The following ASIC4 variants were observed in gnomAD, a reference collection of about 807,000 sequenced individuals.
ASIC4 encodes acid-sensing ion channel 4.
Under a neutral mutation model 53.4 loss-of-function variants are expected in ASIC4, and 28 were observed. The observed-to-expected ratio is 0.52, with a 90% CI of 0.39 to 0.72. The LOEUF (loss-of-function observed/expected upper bound fraction) is 0.72, where lower values mean the gene tolerates loss of function less well. Ranked by LOEUF, ASIC4 falls within the 30% of genes least tolerant of loss-of-function variation. The pLI, the probability that ASIC4 is intolerant of heterozygous loss-of-function variation, is 0.00. For missense variants in ASIC4, 649 were observed against 729.7 expected (o/e 0.89, Z 1.27); for synonymous variants, 289 against 301.4 (o/e 0.96, Z 0.43).
In ASIC4 at chr2:219,537,965, T is replaced by TG. The variant is rs757378587; in HGVS notation, c.1546dup (p.Val516GlyfsTer20). On this transcript the variant is annotated frameshift_variant, in exon 10 of 10. Coordinates refer to ENST00000358078, the MANE Select transcript of ASIC4 (RefSeq NM_018674.6). LOFTEE classifies it high-confidence loss of function. This position sits in a 1 kb window ranked among gnomAD's most constrained non-coding sequence, Gnocchi z 4.9. ...GCCCGAGCCGGGGCCGAGTGGAGGGTGGGGGGGTCAGCAGTCTGCTCCCCA... is the reference window on the plus strand; with the variant it reads ...GCCCGAGCCGGGGCCGAGTGGAGGGTGGGGGGGGTCAGCAGTCTGCTCCCCA... The TG allele has an allele frequency of 1.3e-5, 21 of 1,608,918 alleles. No individual in the cohort carries two copies. The highest frequency in any genetic ancestry group is 2.2e-5 in the South Asian group (2 of 90,406).
chr2:219,514,719 G>A lies in ASIC4; in HGVS notation c.-6G>A, dbSNP rs766362577. The A allele has an allele frequency of 6.2e-7, 1 of 1,613,680 alleles. No homozygotes were observed. Among genetic ancestry groups the A allele is most frequent in the Non-Finnish European group, 8.5e-7 (1 of 1,180,014 alleles). The stretch of plus-strand genomic sequence containing the variant: ...GGCTCTGGCCAGTCCCAGCAGCCGG[G>A]GACAGATGCCGATCGAGATTGTGTG... On this transcript the variant is annotated 5_prime_UTR_variant, in exon 1 of 10. Transcript: ENST00000358078.
In ASIC4 at chr2:219,514,720, G is replaced by A. The variant is rs753832928; in HGVS notation, c.-5G>A. On this transcript the variant is annotated 5_prime_UTR_variant, in exon 1 of 10. Coordinates refer to ENST00000358078, the MANE Select transcript of ASIC4 (RefSeq NM_018674.6). ...GCTCTGGCCAGTCCCAGCAGCCGGGGACAGATGCCGATCGAGATTGTGTGC... is the reference window on the plus strand; with the variant it reads ...GCTCTGGCCAGTCCCAGCAGCCGGGAACAGATGCCGATCGAGATTGTGTGC... 4 of 1,613,546 alleles carry A rather than the reference G, an allele frequency of 2.5e-6. No homozygotes were observed. Among genetic ancestry groups the A allele is most frequent in the African/African-American group, 1.3e-5 (1 of 74,938 alleles).
Position 219,536,071 on chromosome 2 carries a change from C to A in ASIC4, c.1229+747C>A, listed in dbSNP as rs114818469. ...TACAGGTGTGAGCCACCTTGCCTGGCCACAGCCCTTCTCTTCTAAGTAGCC... is the reference window on the plus strand; with the variant it reads ...TACAGGTGTGAGCCACCTTGCCTGGACACAGCCCTTCTCTTCTAAGTAGCC... On this transcript the variant is annotated intron_variant, in intron 6 of 9. Coordinates refer to ENST00000358078, the MANE Select transcript of ASIC4 (RefSeq NM_018674.6). This position sits in a 1 kb window ranked among gnomAD's most constrained non-coding sequence, Gnocchi z 4.6. 9.1e-3 allele frequency among the ~76,000 whole-genome samples: 1,380 copies of A among 152,276 alleles called. 24 individuals are homozygous for A. Among genetic ancestry groups the A allele is most frequent in the African/African-American group, 0.032 (1,323 of 41,552 alleles).
chr2:219,515,632 C>A lies in ASIC4; in HGVS notation c.582+326C>A, dbSNP rs113069317. Among the ~76,000 whole-genome samples, 977 of 152,332 alleles carry A rather than the reference C, an allele frequency of 6.4e-3. 9 individuals are homozygous for A. The highest frequency in any genetic ancestry group is 0.022 in the African/African-American group (923 of 41,570). ...CTGGAGCTGGCTGGCTTGCAGGGAA[C>A]GCACGCACCATCCCAAGGCCAGACC... On this transcript the variant is annotated intron_variant, in intron 1 of 9. Transcript: ENST00000358078.
In ASIC4 at chr2:219,537,308, A is replaced by G. The variant is rs1194092431; in HGVS notation, c.1388A>G (p.Asp463Gly). Residue 463 changes from aspartate to glycine, a missense_variant, in exon 8 of 10, where the codon GAC becomes GGC. Coordinates refer to ENST00000358078, the MANE Select transcript of ASIC4 (RefSeq NM_018674.6). The surrounding 1 kb of genome is among the most constrained non-coding windows in gnomAD (Gnocchi z 4.9). ...ATCCTCACGTTGCTGGAGATCCTCG[A>G]CTACATCTATGAGGCAAGGGCCCTG... The part of the protein sequence containing the change: ...ASILTLLEIL[D>G]YIYEVSWDRL... 6.2e-7 allele frequency: 1 copy of G among 1,613,052 alleles called. No individual in the cohort carries two copies. The highest frequency in any genetic ancestry group is 1.7e-5 in the Admixed American group (1 of 59,856).
At chr2:219,521,384 A>G (rs57323871) in intron 1 of ASIC4, among the ~76,000 whole-genome samples, 3,147 of 152,164 alleles carry the variant, frequency 0.021, 109 homozygotes, top group African/African-American at 0.072. Flanking sequence ...TCCCCCTCTG[A>G]TCCTCCCTCT....
At position 219,536,945 on chromosome 2, in the gene ASIC4, G is replaced by A; in HGVS notation, c.1230-121G>A. The A allele has an allele frequency of 6.2e-6, 5 of 811,236 alleles. No homozygotes were observed. The highest frequency in any genetic ancestry group is 2.5e-5 in the East Asian group (1 of 39,342). 50.3% of individuals were successfully genotyped at this position (811,236 alleles called of 1,614,324 possible). On this transcript the variant is annotated intron_variant, in intron 6 of 9. Coordinates refer to ENST00000358078, the MANE Select transcript of ASIC4 (RefSeq NM_018674.6). This position sits in a 1 kb window ranked among gnomAD's most constrained non-coding sequence, Gnocchi z 4.6. ...CCCTCACAGCCTTGGGGAGTCCGGG[G>A]GGTAGTCACTGACTTCCCCATGTAG...
upstream of ASIC4, among the ~76,000 whole-genome samples, chr2:219,513,684 GATTTGGGGAAC>G (rs1694731172): frequency 6.6e-6 from 1 of 152,210 alleles, no homozygotes; most frequent in Non-Finnish European, 1.5e-5. Context: ...TGTGGCAAGG[GATTTGGGGAAC>G]ATTTGGGGAA....
chr2:219,532,030 G>T lies in ASIC4; in HGVS notation c.757G>T (p.Val253Leu). 6.2e-7 allele frequency: 1 copy of T among 1,614,238 alleles called. No individual in the cohort carries two copies. The highest frequency in any genetic ancestry group is 8.5e-7 in the Non-Finnish European group (1 of 1,180,046). ...NETSFEAGIR[V>L]QIHSQEEPPY... is the part of the protein sequence containing the mutation. ...GACGTCGTTTGAGGCAGGTATTCGG[G>T]TGCAGATCCACAGCCAGGAGGAGCC... The change falls in exon 3 of 10, where the codon GTG becomes TTG. Residue 253 changes from valine to leucine, a missense_variant. Physicochemically the swap from Val to Leu is conservative, Grantham distance 32. Coordinates refer to ENST00000358078, the MANE Select transcript of ASIC4 (RefSeq NM_018674.6).
intron 1 of ASIC4, 122 bp downstream of exon 1, chr2:219,515,428 G>A: frequency 1.5e-6 from 2 of 1,304,432 alleles, no homozygotes; most frequent in East Asian, 2.5e-5. Context: ...CACCACCAGA[G>A]GCTGGCCTCG....
chr2:219,508,417 A>G, the ASIC4 span, among the ~76,000 whole-genome samples: 1 of 152,024 alleles, frequency 6.6e-6, no homozygotes, highest in African/African-American at 2.4e-5. Context: ...GGGTGGGGAC[A>G]TGGTGGGGAG....
chr2:219,515,062 C>T lies in ASIC4; in HGVS notation c.338C>T (p.Pro113Leu), dbSNP rs749118047. 6.2e-6 allele frequency: 10 copies of T among 1,613,472 alleles called. No homozygotes were observed. Among genetic ancestry groups the T allele is most frequent in the African/African-American group, 1.3e-5 (1 of 74,936 alleles). The change falls in exon 1 of 10, where the codon CCG (proline) becomes CTG (leucine). Residue 113 changes from proline to leucine, a missense_variant. Transcript: ENST00000358078. ...PAAPAPVAGF[P>L]AVTLCNINRF... ...GCCCCAGCCCCAGTGGCGGGCTTCC[C>T]GGCTGTCACCCTCTGCAATATCAAC...
chr2:219,538,213 G>C lies in ASIC4; in HGVS notation c.*167G>C. 1.5e-5 allele frequency: 10 copies of C among 649,236 alleles called. No individual in the cohort carries two copies. Among genetic ancestry groups the C allele is most frequent in the Non-Finnish European group, 2.7e-5 (10 of 368,972 alleles). The allele number at this position is 649,236 out of a possible 1,614,324, so 40.2% of individuals were successfully genotyped here. ...CCTGATGTCAGCTGCTTTGCACAAA[G>C]GTCCTTCTTGTCCACACCCCTTATC... is the stretch of plus-strand genomic sequence containing the variant. On this transcript the variant is annotated 3_prime_UTR_variant, in exon 10 of 10. Coordinates refer to ENST00000358078, the MANE Select transcript of ASIC4 (RefSeq NM_018674.6).
chr2:219,523,411 T>G (rs986687583), intron 1 of ASIC4, among the ~76,000 whole-genome samples: 1 of 152,140 alleles, frequency 6.6e-6, no homozygotes, highest in Non-Finnish European at 1.5e-5. Context: ...GGCTCCCCTG[T>G]CCCTTCCACC....
At chr2:219,509,281 C>T (rs755449008), upstream of ASIC4, among the ~76,000 whole-genome samples, 13 of 149,860 alleles carry the variant, frequency 8.7e-5, no homozygotes, top group South Asian at 6.6e-4. This position sits in a 1 kb window ranked among gnomAD's most constrained non-coding sequence, Gnocchi z 5.2. Flanking sequence ...TGCATCCGCA[C>T]GGAGCACAGC....
In ASIC4 at chr2:219,535,401, G is replaced by A. The variant is rs940414356; in HGVS notation, c.1229+77G>A. On this transcript the variant is annotated intron_variant, in intron 6 of 9. Transcript: ENST00000358078. ...GTGTGGGGGGTGGCTGTGTGACTCT[G>A]TGTGTACGTGTGTGTGAGTGTATGT... The A allele has an allele frequency of 8.2e-5, 117 of 1,418,606 alleles. 1 individual carries two copies. The highest frequency in any genetic ancestry group is 1.1e-4 in the Non-Finnish European group (111 of 1,054,154). The allele number at this position is 1,418,606 out of a possible 1,614,324, so 87.9% of individuals were successfully genotyped here.
chr2:219,514,680 G>T lies in ASIC4; in HGVS notation c.-45G>T. ...GGCACCAGGGCTGCTGGCTAGGGAG[G>T]GACAGGGCAGGGAGGCTCTGGCCAG... is the stretch of plus-strand genomic sequence containing the variant. On this transcript the variant is annotated 5_prime_UTR_variant, in exon 1 of 10. Transcript: ENST00000358078. 1 of 1,613,372 alleles carries T rather than the reference G, an allele frequency of 6.2e-7. No homozygotes were observed. The highest frequency in any genetic ancestry group is 8.5e-7 in the Non-Finnish European group (1 of 1,179,854).
At chr2:219,519,054 G>A (rs768419289) in intron 1 of ASIC4, among the ~76,000 whole-genome samples, 15 of 152,118 alleles carry the variant, frequency 9.9e-5, no homozygotes, top group African/African-American at 1.7e-4. Flanking sequence ...ACAGGTGCCC[G>A]CCACCTCGCC....
chr2:219,513,244 C>T (rs966494398), upstream of ASIC4, among the ~76,000 whole-genome samples: 1 of 152,118 alleles, frequency 6.6e-6, no homozygotes, highest in Non-Finnish European at 1.5e-5. Flanking sequence ...CCCCCCTTTC[C>T]TCCCGGGGAC....
Sources: gnomAD v4.1 joint callset for allele counts (sites outside exome capture counted in the v4.1 genomes callset) on GRCh38, gnomAD v4.1.1 for gene constraint, Gnocchi (gnomAD v3.1) non-coding constraint, MANE v1.5 for transcripts, NCBI Gene and HGNC (gene_info 2026-07-23, HGNC 2026-07-21) for gene names.